TRIM67: variants seen among roughly 807,000 people sequenced by gnomAD.
TRIM67 encodes the protein tripartite motif containing 67, also known as tripartite motif-containing protein 67.
Under a neutral mutation model 71.0 loss-of-function variants are expected in TRIM67, and 39 were observed. The ratio of observed to expected loss-of-function variants is 0.55; its 90% CI spans 0.43 to 0.72. The LOEUF (loss-of-function observed/expected upper bound fraction) is 0.72, where lower values mean the gene tolerates loss of function less well. TRIM67 is among the 30% of genes least tolerant of loss of function. TRIM67 has a pLI of 0.00. For missense variants in TRIM67, 973 were observed against 1,079.2 expected, an observed-to-expected ratio of 0.90 and a Z score of 1.38; for synonymous variants, 481 against 473.9, an observed-to-expected ratio of 1.01 and a Z score of -0.19.
intron 1 of TRIM67, among the ~76,000 whole-genome samples, chr1:231,189,434 G>A (rs1683175070): frequency 6.6e-6 from 1 of 152,126 alleles, no homozygotes; most frequent in Admixed American, 6.5e-5. Flanking sequence ...ATCATTGTGG[G>A]TCCAATGTCA....
chr1:231,218,561 G>T lies in TRIM67; in HGVS notation c.*3121G>T. 1.0e-6 allele frequency: 1 copy of T among 985,394 alleles called. No homozygotes were observed. Among genetic ancestry groups the T allele is most frequent in the Non-Finnish European group, 1.2e-6 (1 of 829,932 alleles). The allele number at this position is 985,394 out of a possible 1,614,324, so 61.0% of individuals were successfully genotyped here. On this transcript the variant is annotated 3_prime_UTR_variant, in exon 10 of 10. Coordinates refer to ENST00000366653, the MANE Select transcript of TRIM67 (RefSeq NM_001004342.5). ...CATCCCAGCTCCTAATTCAAAGCAGGGGAAGGTATTTCCCCAAAGCCTGCT... is the reference window on the plus strand; with the variant it reads ...CATCCCAGCTCCTAATTCAAAGCAGTGGAAGGTATTTCCCCAAAGCCTGCT...
intron 9 of TRIM67, among the ~76,000 whole-genome samples, chr1:231,215,168 T>C (rs1049972769): frequency 1.3e-5 from 2 of 152,192 alleles, no homozygotes; most frequent in Non-Finnish European, 2.9e-5. Context: ...GTGATTCTTA[T>C]TATGAGGAAA....
chr1:231,203,793 TG>T, intron 5 of TRIM67, 73 bp from the exon 6 acceptor site: 1 of 1,523,288 alleles, frequency 6.6e-7, no homozygotes, highest in South Asian at 1.2e-5. Flanking sequence ...ACCCCTGGGA[TG>T]GGGTGGGGTG....
chr1:231,199,009 T>A (rs1380648098), intron 2 of TRIM67, 38 bp from the exon 3 acceptor site: 5 of 1,613,542 alleles, frequency 3.1e-6, no homozygotes, highest in Non-Finnish European at 4.2e-6. Flanking sequence ...CCCCTAAAAC[T>A]CTTTGCTTCT....
At chr1:231,174,680 T>C (rs537390434) in intron 1 of TRIM67, among the ~76,000 whole-genome samples, 1 of 152,308 alleles carries the variant, frequency 6.6e-6, no homozygotes, top group South Asian at 2.1e-4. Flanking sequence ...TCTAATGCTA[T>C]GGGCCTGTGT....
At chr1:231,187,953 A>G (rs1445088000) in intron 1 of TRIM67, among the ~76,000 whole-genome samples, 1 of 152,150 alleles carries the variant, frequency 6.6e-6, no homozygotes, top group Non-Finnish European at 1.5e-5. Flanking sequence ...AGAGAAAAGC[A>G]AGTCCTGTTC....
At chr1:231,185,034 G>A in intron 1 of TRIM67, 1 of 1,532,988 alleles carries the variant, frequency 6.5e-7, no homozygotes. Flanking sequence ...CTGCTTGCAG[G>A]GCCTAGGCTA....
intron 1 of TRIM67, among the ~76,000 whole-genome samples, chr1:231,178,017 C>T (rs763528081): frequency 4.6e-5 from 7 of 152,164 alleles, no homozygotes; most frequent in Non-Finnish European, 8.8e-5. Flanking sequence ...AAGGGTCATT[C>T]CTGGGGACAG....
intron 1 of TRIM67, among the ~76,000 whole-genome samples, chr1:231,174,529 G>A (rs1571872279): frequency 4.6e-5 from 7 of 151,698 alleles, no homozygotes; most frequent in Admixed American, 2.6e-4. Context: ...TTACAGTTGG[G>A]GTAACTTCTA....
chr1:231,197,520 T>C, intron 2 of TRIM67, 54 bp downstream of exon 2: 1 of 1,537,134 alleles, frequency 6.5e-7, no homozygotes, highest in Non-Finnish European at 9.0e-7. Context: ...GTTTGCACGT[T>C]GTGCATCGTA....
In TRIM67 at chr1:231,220,765, A is replaced by C. The variant is rs1684121772; in HGVS notation, c.*5325A>C. On this transcript the variant is annotated 3_prime_UTR_variant, in exon 10 of 10. Coordinates refer to ENST00000366653, the MANE Select transcript of TRIM67 (RefSeq NM_001004342.5). ...AGCTGGGAGTTGAGACCTCCAGGGAAGTCTCGTCCGGATCCATCGCTCTTC... is the reference window on the plus strand; with the variant it reads ...AGCTGGGAGTTGAGACCTCCAGGGACGTCTCGTCCGGATCCATCGCTCTTC... 6.6e-6 allele frequency: 1 copy of C among 152,326 alleles called. No individual in the cohort carries two copies. Among genetic ancestry groups the C allele is most frequent in the African/African-American group, 2.4e-5 (1 of 41,468 alleles). The allele number at this position is 152,326 out of a possible 1,614,324, so 9.4% of individuals were successfully genotyped here. A position where few individuals can be genotyped will look rare whatever the true frequency, so the allele number is the denominator to read the frequency against.
intron 1 of TRIM67, among the ~76,000 whole-genome samples, chr1:231,196,816 G>A (rs1325345736): frequency 1.3e-5 from 2 of 152,134 alleles, no homozygotes; most frequent in Non-Finnish European, 2.9e-5. Flanking sequence ...CAGGCTAGGA[G>A]CCTGTATGCC....
chr1:231,214,586 C>T (rs1683960756), intron 9 of TRIM67, among the ~76,000 whole-genome samples: 1 of 151,256 alleles, frequency 6.6e-6, no homozygotes, highest in Admixed American at 6.6e-5. Flanking sequence ...ACCATCCTGG[C>T]TAACACGGTG....
At position 231,213,962 on chromosome 1, in the gene TRIM67, C is replaced by T; in HGVS notation, c.2271C>T (p.Leu757=). ...VDGVFMPALS[L]NRNVQVTLHT... ...GGGTCTTCATGCCAGCCCTCAGCCT[C>T]AACCGCAACGTGCAGGTACACACCT... Residue 757 remains leucine, a synonymous_variant, in exon 9 of 10, where the codon CTC becomes CTT. Transcript: ENST00000366653. The T allele has an allele frequency of 6.2e-7, 1 of 1,611,982 alleles. No individual in the cohort carries two copies. Among genetic ancestry groups the T allele is most frequent in the South Asian group, 1.1e-5 (1 of 90,820 alleles).
At chr1:231,172,120 G>A (rs1362801856) in intron 1 of TRIM67, among the ~76,000 whole-genome samples, 1 of 152,144 alleles carries the variant, frequency 6.6e-6, no homozygotes, top group East Asian at 1.9e-4. Context: ...CAACAAAAAC[G>A]GCCCCCTTTA....
intron 1 of TRIM67, among the ~76,000 whole-genome samples, chr1:231,185,421 G>A (rs565204410): frequency 6.6e-6 from 1 of 151,956 alleles, no homozygotes; most frequent in South Asian, 2.1e-4. Context: ...TCCCACCACG[G>A]CGGGACCCCC....
chr1:231,186,057 C>T (rs889313996), intron 1 of TRIM67: 45 of 1,528,626 alleles, frequency 2.9e-5, no homozygotes, highest in Non-Finnish European at 3.7e-5. Flanking sequence ...AGGGGATGTT[C>T]CCCGTGAGCA....
intron 5 of TRIM67, 55 bp from the exon 6 acceptor site, chr1:231,203,812 G>T: frequency 6.4e-7 from 1 of 1,574,462 alleles, no homozygotes. Context: ...GTGGGGGACC[G>T]GGCTGGGGCC....
At chr1:231,177,777 T>A (rs1682793924) in intron 1 of TRIM67, among the ~76,000 whole-genome samples, 1 of 152,212 alleles carries the variant, frequency 6.6e-6, no homozygotes, top group Admixed American at 6.5e-5. Flanking sequence ...TATGCATAAA[T>A]AACACTATAT....
Sources: allele counts gnomAD v4.1 joint callset (sites outside exome capture counted in the v4.1 genomes callset), GRCh38; gene constraint gnomAD v4.1.1; transcripts MANE v1.5; gene names NCBI Gene and HGNC (gene_info 2026-07-23, HGNC 2026-07-21).